Variants in GRIA2 observed in about 807,000 individuals in gnomAD.
GRIA2 encodes glutamate receptor 2.
GRIA2 carries 14 observed loss-of-function variants against 97.3 expected under a neutral mutation model. The observed-to-expected ratio is 0.14, with a 90% CI of 0.10 to 0.23. The LOEUF (loss-of-function observed/expected upper bound fraction) is 0.23. Among genes scored for constraint, GRIA2 ranks in the 10% least tolerant of loss-of-function variants. The pLI, the probability that GRIA2 is intolerant of heterozygous loss-of-function variation, is 1.00. For missense variants in GRIA2, 558 were observed against 1,069.8 expected, an observed-to-expected ratio of 0.52 and a Z score of 6.67; for synonymous variants, 412 against 387.8, an observed-to-expected ratio of 1.06 and a Z score of -0.73.
intron 2 of GRIA2, among the ~76,000 whole-genome samples, chr4:157,274,444 G>C (rs1732185411): frequency 6.6e-6 from 1 of 150,608 alleles, no homozygotes; most frequent in South Asian, 2.1e-4. Flanking sequence ...GTATACATGT[G>C]CCACGTTGGT....
At chr4:157,241,116 A>G (rs1730491264) in intron 2 of GRIA2, among the ~76,000 whole-genome samples, 1 of 152,056 alleles carries the variant, frequency 6.6e-6, no homozygotes, top group Non-Finnish European at 1.5e-5. Context: ...AAGAACGGGT[A>G]TTTTGGTGGT....
chr4:157,265,784 A>G (rs988792978), intron 2 of GRIA2, among the ~76,000 whole-genome samples: 2 of 152,270 alleles, frequency 1.3e-5, no homozygotes, highest in Admixed American at 6.5e-5. Flanking sequence ...GCAAGGCCTC[A>G]TAGCAATTTT....
chr4:157,273,944 A>G (rs989842501), intron 2 of GRIA2, among the ~76,000 whole-genome samples: 6 of 152,096 alleles, frequency 3.9e-5, no homozygotes, highest in African/African-American at 1.2e-4. Context: ...ATAATCAGAG[A>G]TAAGTAAAAG....
chr4:157,356,452 G>A (rs957663046), intron 12 of GRIA2, among the ~76,000 whole-genome samples: 2 of 151,844 alleles, frequency 1.3e-5, no homozygotes, highest in Non-Finnish European at 2.9e-5. Flanking sequence ...TTAAAAGTGT[G>A]TATGGCTTGC....
rs1264871382 is a variant in GRIA2 at position 157,361,190 on chromosome 4, A to G, written c.2406+66A>G. ...AACAAAGTAAGCAGCAGCTATGCAC[A>G]GTGTGGGCACTCCGTGCCACCAAGT... is the stretch of plus-strand genomic sequence containing the variant. On this transcript the variant is annotated intron_variant, in intron 14 of 15. Transcript: ENST00000264426. This position sits in a 1 kb window ranked among gnomAD's most constrained non-coding sequence, Gnocchi z 5.2. The G allele has an allele frequency of 7.2e-6, 9 of 1,247,380 alleles. No homozygotes were observed. The highest frequency in any genetic ancestry group is 1.2e-5 in the South Asian group (1 of 81,374). 77.3% of individuals were successfully genotyped at this position (1,247,380 alleles called of 1,614,324 possible).
At chr4:157,273,598 T>G (rs1275608966) in intron 2 of GRIA2, among the ~76,000 whole-genome samples, 1 of 152,048 alleles carries the variant, frequency 6.6e-6, no homozygotes, top group Admixed American at 6.6e-5. Context: ...AAGAATACCT[T>G]GAAAGGCTTG....
intron 2 of GRIA2, among the ~76,000 whole-genome samples, chr4:157,244,203 A>T (rs1730630790): frequency 6.6e-6 from 1 of 152,004 alleles, no homozygotes; most frequent in South Asian, 2.1e-4. Flanking sequence ...CTCAGGAGGA[A>T]GGTGTCTTTG....
At chr4:157,352,464 T>A (rs13128992) in intron 12 of GRIA2, among the ~76,000 whole-genome samples, 81 of 152,100 alleles carry the variant, frequency 5.3e-4, no homozygotes, top group Non-Finnish European at 1.0e-3. Flanking sequence ...ATGCCTGTAA[T>A]CTCAGCACTT....
chr4:157,316,511 G>A (rs1193555672), intron 4 of GRIA2, among the ~76,000 whole-genome samples: 1 of 152,046 alleles, frequency 6.6e-6, no homozygotes, highest in Non-Finnish European at 1.5e-5. Context: ...CCCAGGGGGT[G>A]TAAGAATGTT....
At chr4:157,286,845 C>T (rs1732869304) in intron 2 of GRIA2, among the ~76,000 whole-genome samples, 1 of 151,580 alleles carries the variant, frequency 6.6e-6, no homozygotes, top group Non-Finnish European at 1.5e-5. Flanking sequence ...CATTATAATT[C>T]AAATTCCTTT....
At chr4:157,355,934 T>TATATATAA (rs1560781156) in intron 12 of GRIA2, among the ~76,000 whole-genome samples, 6 of 30,246 alleles carry the variant, frequency 2.0e-4, no homozygotes, top group African/African-American at 8.2e-4. Context: ...TATATATATT[T>TATATATAA]ATATATTAAT....
At position 157,220,949 on chromosome 4, in the gene GRIA2, A is replaced by G; in HGVS notation, c.-94A>G. On this transcript the variant is annotated 5_prime_UTR_variant, in exon 1 of 16. Coordinates refer to ENST00000264426, the MANE Select transcript of GRIA2 (RefSeq NM_001083619.3). The stretch of plus-strand genomic sequence containing the variant: ...GCTAAATTGCTGTCTCAAAATGCAG[A>G]GGATCTAATTTGCAGAGGAAAACAG... The G allele has an allele frequency of 1.4e-6, 1 of 738,122 alleles. No individual in the cohort carries two copies. Among genetic ancestry groups the G allele is most frequent in the African/African-American group, 1.7e-5 (1 of 57,526 alleles). The allele number at this position is 738,122 out of a possible 1,614,324, so 45.7% of individuals were successfully genotyped here. A position where few individuals can be genotyped will look rare whatever the true frequency, so the allele number is the denominator to read the frequency against.
intron 12 of GRIA2, among the ~76,000 whole-genome samples, chr4:157,357,621 ACATGTGAAGCCT>A (rs1408074401): frequency 6.6e-6 from 1 of 152,142 alleles, no homozygotes; most frequent in Non-Finnish European, 1.5e-5. Flanking sequence ...ATGTTATAAT[ACATGTGAAGCCT>A]CATTATAAAA....
At chr4:157,256,294 A>ATATAT (rs1731270376) in intron 2 of GRIA2, among the ~76,000 whole-genome samples, 1 of 139,602 alleles carries the variant, frequency 7.2e-6, no homozygotes, top group Non-Finnish European at 1.5e-5. Flanking sequence ...TACATATATT[A>ATATAT]TATATAATAT....
chr4:157,268,428 G>T (rs150860151), intron 2 of GRIA2, among the ~76,000 whole-genome samples: 1 of 151,846 alleles, frequency 6.6e-6, no homozygotes, highest in Non-Finnish European at 1.5e-5. Context: ...TAATTTTGTC[G>T]TCTCAGTTTT....
Position 157,365,958 on chromosome 4 carries a change from A to G in GRIA2, c.*2527A>G, listed in dbSNP as rs1340341050. 1.3e-5 allele frequency: 2 copies of G among 151,560 alleles called. No homozygotes were observed. Among genetic ancestry groups the G allele is most frequent in the Non-Finnish European group, 3.0e-5 (2 of 67,572 alleles). The allele number at this position is 151,560 out of a possible 1,614,324, so 9.4% of individuals were successfully genotyped here. A position where few individuals can be genotyped will look rare whatever the true frequency, so the allele number is the denominator to read the frequency against. On this transcript the variant is annotated 3_prime_UTR_variant, in exon 16 of 16. Transcript: ENST00000264426. ...AAGATATTGGAATTTCCAATTTTTC[A>G]TGTGTACTATGTCAGAAAATGCTTT...
rs754294298 is a variant in GRIA2, at chr4:157,359,938, C to T, written c.2086C>T (p.Arg696Trp). 9 of 1,613,076 alleles carry T rather than the reference C, an allele frequency of 5.6e-6. No individual in the cohort carries two copies. The highest frequency in any genetic ancestry group is 1.1e-5 in the South Asian group (1 of 91,068). The change falls in exon 13 of 16, where the codon CGG becomes TGG. Residue 696 changes from arginine (R) to tryptophan (W), a missense_variant. Around this residue, in one of 8 missense-constraint regions of GRIA2, gnomAD observed 125 missense variants for 310.2 expected, o/e 0.40. Coordinates refer to ENST00000264426, the MANE Select transcript of GRIA2 (RefSeq NM_001083619.3). ...GTTTGATAAAATGTGGACCTACATG[C>T]GGAGTGCGGAGCCCTCTGTGTTTGT... ...AVFDKMWTYM[R>W]SAEPSVFVRT...
intron 2 of GRIA2, among the ~76,000 whole-genome samples, chr4:157,223,906 C>T (rs1729626840): frequency 6.6e-6 from 1 of 151,912 alleles, no homozygotes; most frequent in South Asian, 2.1e-4. Context: ...AGATAAAAGA[C>T]TGTGATTAGG....
chr4:157,329,914 A>G (rs1443115524), intron 6 of GRIA2, among the ~76,000 whole-genome samples: 1 of 152,050 alleles, frequency 6.6e-6, no homozygotes, highest in East Asian at 1.9e-4. Context: ...CCTCGGAATC[A>G]CAGAGATCTG....
Sources: allele counts gnomAD v4.1 joint callset (sites outside exome capture counted in the v4.1 genomes callset), GRCh38; gene constraint gnomAD v4.1.1; regional missense constraint gnomAD v4.1.1; non-coding constraint Gnocchi (gnomAD v3.1); transcripts MANE v1.5; gene names NCBI Gene and HGNC (gene_info 2026-07-23, HGNC 2026-07-21).